Variants in DPYS observed in about 807,000 individuals in gnomAD.
DPYS encodes dihydropyrimidinase, also known as dihydropyrimidine amidohydrolase.
Under a neutral mutation model 50.3 loss-of-function variants are expected in DPYS, and 39 were observed. The ratio of observed to expected loss-of-function variants is 0.78; its 90% CI spans 0.60 to 1.01. DPYS has a LOEUF of 1.01. Ranked by LOEUF, DPYS falls within the 50% of genes least tolerant of loss-of-function variation. The pLI is 0.00. For missense variants in DPYS, 659 were observed against 680.9 expected, an observed-to-expected ratio of 0.97 and a Z score of 0.36; for synonymous variants, 245 against 250.7, an observed-to-expected ratio of 0.98 and a Z score of 0.22.
At chr8:104,391,058 T>TG (rs1016710886) in intron 8 of DPYS, among the ~76,000 whole-genome samples, 8 of 152,182 alleles carry the variant, frequency 5.3e-5, no homozygotes, top group African/African-American at 1.9e-4. Flanking sequence ...CTATTTTGAC[T>TG]GAGCATATAA....
intron 8 of DPYS, among the ~76,000 whole-genome samples, chr8:104,388,465 A>T (rs953887452): frequency 6.6e-6 from 1 of 152,260 alleles, no homozygotes; most frequent in African/African-American, 2.4e-5. Flanking sequence ...CAAAAATTCA[A>T]GAAACGTAAT....
rs1811859925 is a variant in DPYS, at chr8:104,402,680, CA to C, written c.1236-9690del. On this transcript the variant is annotated intron_variant, in intron 7 of 9. Coordinates refer to ENST00000351513, the MANE Select transcript of DPYS (RefSeq NM_001385.3). ...AGAAATACACTGGGTAAAACTCACA[CA>C]ACATCCTTCCCGAAAGTACACAATA... is the stretch of plus-strand genomic sequence containing the variant. Among the ~76,000 whole-genome samples, 4 of 152,280 alleles carry C rather than the reference CA, an allele frequency of 2.6e-5. No individual in the cohort carries two copies. The South Asian group carries it at 8.3e-4, about 32-fold the overall frequency.
intron 2 of DPYS, among the ~76,000 whole-genome samples, chr8:104,450,775 G>C (rs1054041060): frequency 6.6e-6 from 1 of 152,322 alleles, no homozygotes; most frequent in Non-Finnish European, 1.5e-5. Context: ...TCTAAAGAAG[G>C]CTCATGAGTG....
At chr8:104,414,640 G>A (rs894690922) in intron 7 of DPYS, among the ~76,000 whole-genome samples, 2 of 152,158 alleles carry the variant, frequency 1.3e-5, no homozygotes. Flanking sequence ...ACTTTTATAG[G>A]TGATTTCTTC....
At chr8:104,462,272 A>G (rs961583265) in intron 1 of DPYS, among the ~76,000 whole-genome samples, 4 of 152,196 alleles carry the variant, frequency 2.6e-5, no homozygotes, top group Non-Finnish European at 4.4e-5. Flanking sequence ...CAGCTCCTGA[A>G]GCCCAGCCGG....
chr8:104,465,112 T>C (rs1814314617), intron 1 of DPYS, among the ~76,000 whole-genome samples: 1 of 152,122 alleles, frequency 6.6e-6, no homozygotes, highest in African/African-American at 2.4e-5. Context: ...TGTTAATCAT[T>C]CCAGTCAATT....
chr8:104,380,089 T>G (rs570178156), intron 9 of DPYS, among the ~76,000 whole-genome samples: 3 of 152,274 alleles, frequency 2.0e-5, no homozygotes, highest in African/African-American at 7.2e-5. Flanking sequence ...ACAAAAATGT[T>G]GAGACTTTGG....
At chr8:104,462,758 A>G (rs937200334) in intron 1 of DPYS, among the ~76,000 whole-genome samples, 1 of 152,222 alleles carries the variant, frequency 6.6e-6, no homozygotes, top group Admixed American at 6.5e-5. Flanking sequence ...ATTCTTTCAA[A>G]TTTATTGAAT....
chr8:104,443,330 GGCTGAACATA>G (rs1813416217), intron 4 of DPYS, among the ~76,000 whole-genome samples: 1 of 2,694 alleles, frequency 3.7e-4, no homozygotes, highest in Non-Finnish European at 5.0e-3. Flanking sequence ...TTACATACTA[GGCTGAACATA>G]CTAGGCTGAA....
chr8:104,405,893 G>A (rs1367807975), intron 7 of DPYS, among the ~76,000 whole-genome samples: 1 of 152,222 alleles, frequency 6.6e-6, no homozygotes, highest in Non-Finnish European at 1.5e-5. Flanking sequence ...AGATGCTCCG[G>A]GATCTGCTGA....
rs1032364419 is a variant in DPYS at position 104,393,830 on chromosome 8, T to C, written c.1236-839A>G. ...TTAAAATGTTTTATTTCCATAGGCT[T>C]TTGGGGAACAGGTGGTATTTGGTTA... On this transcript the variant is annotated intron_variant, in intron 7 of 9. Transcript: ENST00000351513. Among the ~76,000 whole-genome samples the C allele has an allele frequency of 5.9e-5, 9 of 152,302 alleles. No homozygotes were observed. The East Asian group carries it at 1.7e-3, about 29-fold the overall frequency.
At chr8:104,429,798 G>A in intron 4 of DPYS, 97 bp from the exon 5 acceptor site, 1 of 1,466,852 alleles carries the variant, frequency 6.8e-7, no homozygotes. Context: ...CCCTAGCAGA[G>A]GGTAATATCT....
chr8:104,388,749 C>G (rs1811295429), intron 8 of DPYS, among the ~76,000 whole-genome samples: 1 of 152,278 alleles, frequency 6.6e-6, no homozygotes, highest in Middle Eastern at 3.4e-3. Flanking sequence ...CATAAATTAA[C>G]AATTCTCCAA....
chr8:104,379,972 T>C (rs1810978174), intron 9 of DPYS, 129 bp from the exon 10 acceptor site: 2 of 330,740 alleles, frequency 6.0e-6, no homozygotes, highest in South Asian at 4.8e-5. Flanking sequence ...ATGTCATTAA[T>C]AGCATGTTAT....
At chr8:104,385,343 A>G (rs753377742) in intron 8 of DPYS, among the ~76,000 whole-genome samples, 12 of 152,212 alleles carry the variant, frequency 7.9e-5, no homozygotes, top group Non-Finnish European at 1.8e-4. Flanking sequence ...GAAACTTTTT[A>G]TGATATTGGG....
chr8:104,440,146 G>C (rs1334438796), intron 4 of DPYS, among the ~76,000 whole-genome samples: 1 of 152,034 alleles, frequency 6.6e-6, no homozygotes, highest in African/African-American at 2.4e-5. Context: ...CTATGTGCCA[G>C]GCACATATTA....
chr8:104,427,189 A>G (rs1812755968), intron 6 of DPYS, among the ~76,000 whole-genome samples: 1 of 144,696 alleles, frequency 6.9e-6, no homozygotes, highest in East Asian at 2.1e-4. Context: ...CAACAGAGTG[A>G]GACTCCGTCT....
intron 8 of DPYS, 107 bp from the exon 9 acceptor site, chr8:104,381,421 AATTT>A: frequency 9.7e-7 from 1 of 1,034,216 alleles, no homozygotes; most frequent in South Asian, 1.3e-5. Flanking sequence ...GAATCTTATA[AATTT>A]ATCACGTGCC....
intron 1 of DPYS, 30 bp downstream of exon 1, chr8:104,466,627 C>G (rs552354398): frequency 1.3e-6 from 2 of 1,500,872 alleles, no homozygotes; most frequent in Non-Finnish European, 1.8e-6. Flanking sequence ...CCGTGGGTAC[C>G]GCGGGGCGGG....
Sources: gnomAD v4.1 joint callset for allele counts (sites outside exome capture counted in the v4.1 genomes callset) on GRCh38, gnomAD v4.1.1 for gene constraint, MANE v1.5 for transcripts, NCBI Gene and HGNC (gene_info 2026-07-23, HGNC 2026-07-21) for gene names.